MTFMT: variants seen among roughly 807,000 people sequenced by gnomAD.
MTFMT encodes the protein mitochondrial methionyl-tRNA formyltransferase, also known as methionyl-tRNA formyltransferase, mitochondrial.
Under a neutral mutation model 51.8 loss-of-function variants are expected in MTFMT, and 47 were observed. That is an observed-to-expected ratio of 0.91 (90% CI 0.72 to 1.16). MTFMT has a LOEUF of 1.16. Among genes scored for constraint, MTFMT ranks in the 50% most tolerant of loss-of-function variants. The probability of loss-of-function intolerance (pLI) is 0.00; values close to 1 mark genes in which losing one functional copy is unlikely to be tolerated. For missense variants in MTFMT, 512 were observed against 482.3 expected, an observed-to-expected ratio of 1.06 and a Z score of -0.58; for synonymous variants, 196 against 176.7, an observed-to-expected ratio of 1.11 and a Z score of -0.87.
chr15:65,021,458 C>T, intron 4 of MTFMT, 56 bp downstream of exon 4: 1 of 1,282,634 alleles, frequency 7.8e-7, no homozygotes, highest in Admixed American at 1.7e-5. Context: ...CTTTTTATAA[C>T]CACTTAGGAA....
chr15:65,008,711 G>C (rs1305801045), intron 6 of MTFMT, among the ~76,000 whole-genome samples: 1 of 152,202 alleles, frequency 6.6e-6, no homozygotes, highest in African/African-American at 2.4e-5. Context: ...GTTCATAACT[G>C]TATCTATGTC....
intron 6 of MTFMT, among the ~76,000 whole-genome samples, chr15:65,015,411 A>C (rs1267003105): frequency 6.6e-6 from 1 of 152,222 alleles, no homozygotes; most frequent in Non-Finnish European, 1.5e-5. Flanking sequence ...AATTTCTTCA[A>C]CTTTAAAGTG....
chr15:65,026,575 A>G lies in MTFMT; in HGVS notation c.419+256T>C, dbSNP rs186863502. 2.3e-5 allele frequency: 9 copies of G among 394,740 alleles called. No homozygotes were observed. The South Asian group carries it at 2.4e-4, about 10-fold the overall frequency. 24.5% of individuals were successfully genotyped at this position (394,740 alleles called of 1,614,324 possible). On this transcript the variant is annotated intron_variant, in intron 2 of 8. Transcript: ENST00000220058. ...TGTCTTTAGAAAGATGTTATTTCCT[A>G]TTGTGTTCCAGACTGTGTTTGCAGC...
intron 3 of MTFMT, among the ~76,000 whole-genome samples, chr15:65,023,464 T>G (rs959398136): frequency 6.6e-6 from 1 of 152,116 alleles, no homozygotes; most frequent in Non-Finnish European, 1.5e-5. Context: ...AATTCACATA[T>G]GGACTTTAAA....
chr15:65,004,057 C>A (rs1359594765), intron 8 of MTFMT, among the ~76,000 whole-genome samples: 6 of 151,504 alleles, frequency 4.0e-5, no homozygotes, highest in Non-Finnish European at 7.4e-5. Flanking sequence ...GCTCTTATTG[C>A]CCAGGCTGGA....
At position 65,029,595 on chromosome 15, in the gene MTFMT, G is replaced by C. The variant is rs759489465; in HGVS notation, c.19C>G (p.Arg7Gly). Residue 7 changes from arginine to glycine, a missense_variant, in exon 1 of 9, where the codon CGC (arginine) becomes GGC (glycine). By Grantham distance (125) the Arg-to-Gly change is moderately radical. Coordinates refer to ENST00000220058, the MANE Select transcript of MTFMT (RefSeq NM_139242.4). ...TGAGCCAGCGGAGGACCCCAACAGCGCCGCACCAACACCCTCATCGCCTCG... is the reference window on the plus strand; with the variant it reads ...TGAGCCAGCGGAGGACCCCAACAGCCCCGCACCAACACCCTCATCGCCTCG... MRVLVR[R>G]CWGPPLAHGA... 1.0e-5 allele frequency: 15 copies of C among 1,452,192 alleles called. No homozygotes were observed. The highest frequency in any genetic ancestry group is 1.3e-5 in the Non-Finnish European group (14 of 1,099,640). The allele number at this position is 1,452,192 out of a possible 1,614,324, so 90.0% of individuals were successfully genotyped here.
intron 4 of MTFMT, among the ~76,000 whole-genome samples, chr15:65,020,520 A>G (rs2086365784): frequency 6.6e-6 from 1 of 152,226 alleles, no homozygotes; most frequent in Non-Finnish European, 1.5e-5. Context: ...GGGAAACCTC[A>G]GTAGAGATTC....
chr15:65,019,326 A>G (rs536336042), intron 5 of MTFMT, among the ~76,000 whole-genome samples: 10 of 152,346 alleles, frequency 6.6e-5, no homozygotes, highest in Non-Finnish European at 1.3e-4. Flanking sequence ...TAACTTTTGA[A>G]TCAGCTATAT....
In MTFMT at chr15:65,004,860, A is replaced by G; in HGVS notation, c.969T>C (p.Tyr323=). ...YHKQSQILLV[Y]CKDGWIGVRS... is the part of the protein sequence containing the mutation. ...AAACTAATGAAAAACATACCTTGCA[A>G]TAAACCAATAGTATTTGTGACTGTT... is the stretch of plus-strand genomic sequence containing the variant. The change falls in exon 8 of 9, where the codon TAT becomes TAC. Residue 323 remains tyrosine (Y), a synonymous_variant. Coordinates refer to ENST00000220058, the MANE Select transcript of MTFMT (RefSeq NM_139242.4). 1 of 1,595,396 alleles carries G rather than the reference A, an allele frequency of 6.3e-7. No individual in the cohort carries two copies. The highest frequency in any genetic ancestry group is 8.6e-7 in the Non-Finnish European group (1 of 1,166,734).
intron 6 of MTFMT, among the ~76,000 whole-genome samples, chr15:65,008,566 G>A (rs998970884): frequency 6.6e-6 from 1 of 152,176 alleles, no homozygotes; most frequent in Non-Finnish European, 1.5e-5. Context: ...GCCAGGACTG[G>A]CTTCTGTTTT....
At position 65,029,625 on chromosome 15, in the gene MTFMT, C is replaced by G. The variant is rs530363348; in HGVS notation, c.-12G>C. 3,459 of 1,377,752 alleles carry G rather than the reference C, an allele frequency of 2.5e-3. 80 individuals are homozygous for G. The African/African-American group carries it at 0.046, about 18-fold the overall frequency. The allele number at this position is 1,377,752 out of a possible 1,614,324, so 85.3% of individuals were successfully genotyped here. On this transcript the variant is annotated 5_prime_UTR_variant, in exon 1 of 9. Transcript: ENST00000220058. ...ACCAACACCCTCATCGCCTCGGCCG[C>G]CGGCGGCCGGCCCTGCGCAGGCGCA...
At chr15:65,011,101 C>A (rs181979791) in intron 6 of MTFMT, among the ~76,000 whole-genome samples, 47 of 152,258 alleles carry the variant, frequency 3.1e-4, no homozygotes, top group Middle Eastern at 3.4e-3. Context: ...GCAGGTGGAT[C>A]ACCTGAGGAT....
In MTFMT at chr15:65,026,821, TA is replaced by T. The variant is rs767323200; in HGVS notation, c.419+9del. ...TTTCTATACTGTATTTCCTTACAAA[TA>T]AAACTTACTAGGGAAATTTAAGAAT... On this transcript the variant is annotated intron_variant, in intron 2 of 8. Coordinates refer to ENST00000220058, the MANE Select transcript of MTFMT (RefSeq NM_139242.4). The T allele has an allele frequency of 7.4e-6, 12 of 1,611,274 alleles. No homozygotes were observed. Among genetic ancestry groups the T allele is most frequent in the Non-Finnish European group, 1.0e-5 (12 of 1,178,302 alleles).
At chr15:65,028,554 G>A (rs2086448747) in intron 1 of MTFMT, among the ~76,000 whole-genome samples, 1 of 152,152 alleles carries the variant, frequency 6.6e-6, no homozygotes, top group South Asian at 2.1e-4. Context: ...TGTGGAGGAA[G>A]GAAAACCACA....
At chr15:65,022,223 G>A (rs1595892043) in intron 3 of MTFMT, among the ~76,000 whole-genome samples, 1 of 152,200 alleles carries the variant, frequency 6.6e-6, no homozygotes, top group Non-Finnish European at 1.5e-5. Flanking sequence ...AGCACTTTGG[G>A]AGGCCAAGGT....
intron 6 of MTFMT, among the ~76,000 whole-genome samples, chr15:65,009,028 T>A (rs2086241175): frequency 6.6e-6 from 1 of 152,202 alleles, no homozygotes; most frequent in South Asian, 2.1e-4. Context: ...ATAGTATGTT[T>A]GCATGAATTT....
At position 65,006,171 on chromosome 15, in the gene MTFMT, C is replaced by T. The variant is rs1471807026; in HGVS notation, c.834G>A (p.Trp278Ter). Residue 278 changes from tryptophan to a stop codon, truncating the protein, a stop_gained, in exon 7 of 9, where the codon TGG becomes TGA. Transcript: ENST00000220058. LOFTEE classifies it high-confidence loss of function. ...CCAGAAGTTTAATGGTATTCGCCAT[C>T]CAGAGCGTCTGCAACGGAATCTGCA... ...IGNIIPLQTLWMANTIKLLDL... is the reference protein window; with the variant it reads ...IGNIIPLQTL 3.7e-6 allele frequency: 6 copies of T among 1,612,294 alleles called. No homozygotes were observed. The African/African-American group carries it at 5.3e-5, about 14-fold the overall frequency.
At chr15:65,003,942 G>A (rs184896071) in intron 8 of MTFMT, among the ~76,000 whole-genome samples, 5 of 151,606 alleles carry the variant, frequency 3.3e-5, no homozygotes, top group South Asian at 2.1e-4. Context: ...ATAAGCTGGC[G>A]AGAGACAAAG....
Position 65,020,276 on chromosome 15 carries a change from CAAAAA to C in MTFMT, c.646-9_646-5del, listed in dbSNP as rs372515409. 7.5e-7 allele frequency: 1 copy of C among 1,325,512 alleles called. No homozygotes were observed. Among genetic ancestry groups the C allele is most frequent in the Non-Finnish European group, 1.0e-6 (1 of 991,028 alleles). 82.1% of individuals were successfully genotyped at this position (1,325,512 alleles called of 1,614,324 possible). A position where few individuals can be genotyped will look rare whatever the true frequency, so the allele number is the denominator to read the frequency against. ...AATTTTTCAAAACTGAAATGAGCTA[CAAAAA>C]AAAAAAAAAGAGTGTGATATATTCA... On this transcript the variant is annotated splice_polypyrimidine_tract_variant and splice_region_variant and intron_variant, in intron 4 of 8. Transcript: ENST00000220058.
Sources: gnomAD v4.1 joint callset for allele counts (sites outside exome capture counted in the v4.1 genomes callset) on GRCh38, gnomAD v4.1.1 for gene constraint, MANE v1.5 for transcripts, NCBI Gene and HGNC (gene_info 2026-07-23, HGNC 2026-07-21) for gene names.